The following POFUT3 variants were observed in gnomAD, a reference collection of about 807,000 sequenced individuals.
POFUT3 encodes the protein GDP-fucose protein O-fucosyltransferase 3.
At chr8:33,379,945 CCCTATATAT>C in the POFUT3 span, among the ~76,000 whole-genome samples, 2 of 104,296 alleles carry the variant, frequency 1.9e-5, no homozygotes, top group African/African-American at 8.1e-5. Context: ...ACTATATATA[CCCTATATAT>C]ACTATATATA....
chr8:33,337,673 T>C, the POFUT3 span, among the ~76,000 whole-genome samples: 1 of 152,156 alleles, frequency 6.6e-6, no homozygotes, highest in Admixed American at 6.5e-5. Context: ...TATGAACAAT[T>C]GTATGCCAAC....
At chr8:33,309,042 C>T in the POFUT3 span, among the ~76,000 whole-genome samples, 14 of 141,148 alleles carry the variant, frequency 9.9e-5, no homozygotes, top group East Asian at 4.2e-4. Flanking sequence ...AGTCTGGTGG[C>T]GAAACCTCCA....
chr8:33,365,644 C>T, the POFUT3 span, among the ~76,000 whole-genome samples: 2 of 152,152 alleles, frequency 1.3e-5, no homozygotes, highest in African/African-American at 4.8e-5. Context: ...AGCCAACAGA[C>T]ACATGAAAAA....
At chr8:33,465,901 T>G in the POFUT3 span, among the ~76,000 whole-genome samples, 103,811 of 152,068 alleles carry the variant, frequency 0.68, 36,257 homozygotes, top group African/African-American at 0.83. Context: ...AAATAATCAG[T>G]AATAAAGGAA....
the POFUT3 span, among the ~76,000 whole-genome samples, chr8:33,358,112 G>C: frequency 6.6e-6 from 1 of 152,120 alleles, no homozygotes; most frequent in African/African-American, 2.4e-5. Context: ...AATTAGCCAG[G>C]TGTTGTGGTG....
At chr8:33,408,786 G>A in the POFUT3 span, among the ~76,000 whole-genome samples, 2 of 152,058 alleles carry the variant, frequency 1.3e-5, no homozygotes, top group African/African-American at 4.8e-5. Flanking sequence ...GTGTTTTTTG[G>A]GGGTGGAGAG....
chr8:33,386,214 A>AAAAAAAAG, the POFUT3 span, among the ~76,000 whole-genome samples: 1 of 149,784 alleles, frequency 6.7e-6, no homozygotes, highest in African/African-American at 2.5e-5. Flanking sequence ...AAAAAAAAAA[A>AAAAAAAAG]GTGGTCTAAT....
chr8:33,391,716 A>G, the POFUT3 span, among the ~76,000 whole-genome samples: 2 of 152,182 alleles, frequency 1.3e-5, no homozygotes, highest in African/African-American at 2.4e-5. Context: ...AGAAAGTACT[A>G]GAGTCCAGTC....
At chr8:33,320,896 T>C in the POFUT3 span, among the ~76,000 whole-genome samples, 3 of 152,020 alleles carry the variant, frequency 2.0e-5, no homozygotes, top group African/African-American at 4.8e-5. Flanking sequence ...TGGTTAACAG[T>C]AAGTCACAGG....
chr8:33,358,487 T>C, the POFUT3 span, among the ~76,000 whole-genome samples: 1 of 152,142 alleles, frequency 6.6e-6, no homozygotes, highest in African/African-American at 2.4e-5. Flanking sequence ...AAATATGGAC[T>C]GTGTATTAAA....
At chr8:33,372,672 G>T in the POFUT3 span, 1 of 1,614,046 alleles carries the variant, frequency 6.2e-7, no homozygotes, top group South Asian at 1.1e-5. Flanking sequence ...TTCTTGGATT[G>T]TTCAAAGCTG....
the POFUT3 span, among the ~76,000 whole-genome samples, chr8:33,450,678 C>T: frequency 1.3e-5 from 2 of 152,048 alleles, no homozygotes; most frequent in East Asian, 1.9e-4. Flanking sequence ...AGCATAGATT[C>T]GGTTCTCCAT....
the POFUT3 span, among the ~76,000 whole-genome samples, chr8:33,386,188 CAAAAAAAAAAA>C: frequency 6.6e-4 from 21 of 32,048 alleles, no homozygotes; most frequent in African/African-American, 1.1e-3. Context: ...GGCTCCATCT[CAAAAAAAAAAA>C]AAAAAAAAAA....
the POFUT3 span, among the ~76,000 whole-genome samples, chr8:33,325,287 A>G: frequency 6.6e-6 from 1 of 152,128 alleles, no homozygotes; most frequent in Non-Finnish European, 1.5e-5. Context: ...CTCACACTCA[A>G]TTCAAATATC....
At chr8:33,422,373 T>C in the POFUT3 span, among the ~76,000 whole-genome samples, 1 of 151,492 alleles carries the variant, frequency 6.6e-6, no homozygotes, top group South Asian at 2.1e-4. Flanking sequence ...TAAAACTCCG[T>C]CTCTACTAAA....
chr8:33,446,463 A>AC, the POFUT3 span, among the ~76,000 whole-genome samples: 5 of 149,640 alleles, frequency 3.3e-5, no homozygotes, highest in African/African-American at 1.3e-4. Flanking sequence ...TTACAAAAAA[A>AC]AAAAAAAAAT....
At chr8:33,454,728 G>A in the POFUT3 span, among the ~76,000 whole-genome samples, 2 of 149,942 alleles carry the variant, frequency 1.3e-5, no homozygotes, top group South Asian at 2.1e-4. Context: ...GTGCAGTGGC[G>A]CGATCTTGGC....
the POFUT3 span, among the ~76,000 whole-genome samples, chr8:33,442,900 G>C: frequency 7.2e-5 from 11 of 152,250 alleles, no homozygotes; most frequent in African/African-American, 2.6e-4. Context: ...AAGGACACAG[G>C]CTTTGGTGAG....
At chr8:33,393,730 G>A in the POFUT3 span, among the ~76,000 whole-genome samples, 1 of 152,180 alleles carries the variant, frequency 6.6e-6, no homozygotes, top group Non-Finnish European at 1.5e-5. Context: ...CCAGAGGGAC[G>A]ACAGGCCCTG....
Sources: gnomAD v4.1 joint callset for allele counts (sites outside exome capture counted in the v4.1 genomes callset) on GRCh38, gnomAD v4.1.1 for gene constraint, MANE v1.5 for transcripts, NCBI Gene and HGNC (gene_info 2026-07-23, HGNC 2026-07-21) for gene names.